Variants in ITGA6 observed in about 807,000 individuals in gnomAD.
ITGA6 encodes integrin alpha-6.
Under a neutral mutation model 133.6 loss-of-function variants are expected in ITGA6, and 63 were observed. The observed-to-expected ratio is 0.47, with a 90% confidence interval of 0.38 to 0.58. The LOEUF (loss-of-function observed/expected upper bound fraction) is 0.58. Among genes scored for constraint, ITGA6 ranks in the 20% least tolerant of loss-of-function variants. The pLI is 0.00. For missense variants in ITGA6, 1,068 were observed against 1,309.4 expected (o/e 0.82, Z 2.85); for synonymous variants, 434 against 482.0 (o/e 0.90, Z 1.30).
chr2:172,499,127 A>G (rs1687247917), intron 24 of ITGA6, among the ~76,000 whole-genome samples: 2 of 152,174 alleles, frequency 1.3e-5, no homozygotes, highest in African/African-American at 2.4e-5. Context: ...AGGGTTCAAG[A>G]TAGTCTTACT....
chr2:172,493,242 G>A (rs1175871715), intron 23 of ITGA6, among the ~76,000 whole-genome samples: 2 of 151,982 alleles, frequency 1.3e-5, no homozygotes, highest in Non-Finnish European at 2.9e-5. Context: ...ATGCTGTACT[G>A]GGCAAGCTGC....
chr2:172,437,642 T>A (rs1485908197), intron 1 of ITGA6, among the ~76,000 whole-genome samples: 1 of 152,128 alleles, frequency 6.6e-6, no homozygotes, highest in African/African-American at 2.4e-5. Flanking sequence ...CTGAGTCAAT[T>A]AAAAAAATTG....
chr2:172,486,323 T>C lies in ITGA6; in HGVS notation c.1855-700T>C, dbSNP rs576389928. On this transcript the variant is annotated intron_variant, in intron 13 of 25. Transcript: ENST00000684293. ...GATGCTTACATCTGCATATTGTCAA[T>C]CATTTTTGTCACCAAATATAGTTCC... Among the ~76,000 whole-genome samples the C allele has an allele frequency of 1.7e-3, 259 of 152,272 alleles. 1 individual carries two copies. Among genetic ancestry groups the C allele is most frequent in the South Asian group, 0.01 (49 of 4,824 alleles).
intron 24 of ITGA6, among the ~76,000 whole-genome samples, chr2:172,500,584 C>G (rs557819467): frequency 2.0e-5 from 3 of 152,140 alleles, no homozygotes; most frequent in Non-Finnish European, 4.4e-5. Context: ...GAGCCAAGAT[C>G]GTGCCACTGC....
rs1683915769 is a variant in ITGA6, at chr2:172,427,830, G to A, written c.42G>A (p.Ala14=). 4 of 1,603,212 alleles carry A rather than the reference G, an allele frequency of 2.5e-6. No individual in the cohort carries two copies. Among genetic ancestry groups the A allele is most frequent in the South Asian group, 1.1e-5 (1 of 89,626 alleles). The part of the protein sequence containing the change: ...AGQLCLLYLS[A]GLLSRLGAAF... ...AGCTGTGCTTGCTCTACCTGTCGGC[G>A]GGGCTCCTGTCCCGGCTCGGCGCAG... is the stretch of plus-strand genomic sequence containing the variant. The change falls in exon 1 of 26, where the codon GCG becomes GCA. Residue 14 remains alanine (A), a synonymous_variant. Transcript: ENST00000684293.
Position 172,504,094 on chromosome 2 carries a change from G to T in ITGA6, c.*26G>T. ...TTTCTCTTTCCCTCTTCTCTAGTGT[G>T]GATTCTTTAAACGCTCTAGGTACGA... is the stretch of plus-strand genomic sequence containing the variant. On this transcript the variant is annotated 3_prime_UTR_variant, in exon 26 of 26. Coordinates refer to ENST00000684293, the MANE Select transcript of ITGA6 (RefSeq NM_000210.4). 6.3e-7 allele frequency: 1 copy of T among 1,579,172 alleles called. No individual in the cohort carries two copies. The highest frequency in any genetic ancestry group is 2.3e-5 in the East Asian group (1 of 44,252).
intron 1 of ITGA6, among the ~76,000 whole-genome samples, chr2:172,438,698 G>A (rs1684422299): frequency 1.3e-5 from 2 of 151,812 alleles, no homozygotes. Context: ...TACTGTTAGG[G>A]TCCCTTAAAG....
rs577480971 is a variant in ITGA6 at position 172,451,504 on chromosome 2, G to C, written c.183-14035G>C. ...GGGAATGCTTATGGCAAGCCTGGCT[G>C]GGGGAGAAGCTGAGTTCTATTTTGA... On this transcript the variant is annotated intron_variant, in intron 1 of 25. Transcript: ENST00000684293. 2.6e-5 allele frequency among the ~76,000 whole-genome samples: 4 copies of C among 152,132 alleles called. No individual in the cohort carries two copies. The East Asian group carries it at 7.7e-4, about 29-fold the overall frequency.
At chr2:172,499,316 C>A (rs115998737) in intron 24 of ITGA6, among the ~76,000 whole-genome samples, 2,279 of 152,134 alleles carry the variant, frequency 0.015, 47 homozygotes, top group African/African-American at 0.051. Context: ...TCCTCTGGCA[C>A]ACACAGCCAG....
chr2:172,430,982 G>C (rs938860704), intron 1 of ITGA6, among the ~76,000 whole-genome samples: 2 of 152,104 alleles, frequency 1.3e-5, no homozygotes, highest in African/African-American at 4.8e-5. Flanking sequence ...ATGATCACAG[G>C]GAAGAACCTA....
At position 172,427,759 on chromosome 2, in the gene ITGA6, G is replaced by A; in HGVS notation, c.-30G>A. ...CCGGAGCGCAGGGCGGCCGCTGCAG[G>A]TCCCCGCTCCCCTCCCCGTGCGTCC... is the stretch of plus-strand genomic sequence containing the variant. On this transcript the variant is annotated 5_prime_UTR_variant, in exon 1 of 26. Transcript: ENST00000684293. 2 of 1,551,094 alleles carry A rather than the reference G, an allele frequency of 1.3e-6. No homozygotes were observed. The highest frequency in any genetic ancestry group is 2.5e-5 in the East Asian group (1 of 39,262).
In ITGA6 at chr2:172,488,183, G is replaced by T. The variant is rs780135939; in HGVS notation, c.2460G>T (p.Met820Ile). The change falls in exon 19 of 26, where the codon ATG (methionine) becomes ATT (isoleucine). Residue 820 changes from methionine (M) to isoleucine (I), a missense_variant. Physicochemically the swap from Met to Ile is conservative, Grantham distance 10. Coordinates refer to ENST00000684293, the MANE Select transcript of ITGA6 (RefSeq NM_000210.4). ...GTACAGTTGTTGGCGAGCAAGCTATGAAATCTGAAGATGAAGTGGGAAGTT... is the reference window on the plus strand; with the variant it reads ...GTACAGTTGTTGGCGAGCAAGCTATTAAATCTGAAGATGAAGTGGGAAGTT... ...FGGTVVGEQAMKSEDEVGSLI... is the reference protein window; with the variant it reads ...FGGTVVGEQAIKSEDEVGSLI... 16 of 1,614,046 alleles carry T rather than the reference G, an allele frequency of 9.9e-6. No individual in the cohort carries two copies. The East Asian group carries it at 3.1e-4, about 31-fold the overall frequency.
At chr2:172,452,921 C>G (rs1399948377) in intron 1 of ITGA6, among the ~76,000 whole-genome samples, 1 of 152,234 alleles carries the variant, frequency 6.6e-6, no homozygotes, top group African/African-American at 2.4e-5. Context: ...TGAGAGCCCT[C>G]TTTCCTTTGC....
intron 23 of ITGA6, 100 bp from the exon 24 acceptor site, chr2:172,497,875 T>C (rs1687193368): frequency 1.6e-6 from 2 of 1,275,540 alleles, no homozygotes; most frequent in Non-Finnish European, 2.3e-6. Flanking sequence ...ACAGGCTGCA[T>C]TGTCCAAAAT....
At chr2:172,498,139 T>G in intron 24 of ITGA6, 39 bp downstream of exon 24, 1 of 1,591,416 alleles carries the variant, frequency 6.3e-7, no homozygotes, top group Non-Finnish European at 8.6e-7. Flanking sequence ...TAACAAACTT[T>G]ATTTCATGTT....
chr2:172,501,906 T>C lies in ITGA6; in HGVS notation c.*22+5T>C. 6.2e-7 allele frequency: 1 copy of C among 1,609,616 alleles called. No individual in the cohort carries two copies. Among genetic ancestry groups the C allele is most frequent in the Non-Finnish European group, 8.5e-7 (1 of 1,178,642 alleles). ...ATTGATCTACTTCTGTAATTGGTAA[T>C]TGATCAATGTTTTTTAATTGCTAGC... is the stretch of plus-strand genomic sequence containing the variant. On this transcript the variant is annotated splice_donor_5th_base_variant and intron_variant, in intron 25 of 25. Transcript: ENST00000684293.
intron 20 of ITGA6, chr2:172,489,890 C>G (rs1686848943): frequency 2.1e-6 from 1 of 479,730 alleles, no homozygotes; most frequent in Non-Finnish European, 3.8e-6. Context: ...CTTGCTGAGG[C>G]AAATGGTATT....
intron 19 of ITGA6, among the ~76,000 whole-genome samples, chr2:172,488,651 T>C (rs1353189520): frequency 6.6e-6 from 1 of 152,226 alleles, no homozygotes; most frequent in Non-Finnish European, 1.5e-5. Flanking sequence ...CTCTCTGTCC[T>C]GTTGAATAAA....
chr2:172,458,843 C>T (rs1685316682), intron 1 of ITGA6, among the ~76,000 whole-genome samples: 1 of 152,114 alleles, frequency 6.6e-6, no homozygotes, highest in Non-Finnish European at 1.5e-5. Flanking sequence ...ATTTTGGGAA[C>T]ATGTTAAACC....
Sources: gnomAD v4.1 joint callset for allele counts (sites outside exome capture counted in the v4.1 genomes callset) on GRCh38, gnomAD v4.1.1 for gene constraint, MANE v1.5 for transcripts, NCBI Gene and HGNC (gene_info 2026-07-23, HGNC 2026-07-21) for gene names.